Variants in MMP26 observed in about 807,000 individuals in gnomAD.
MMP26 encodes the protein matrix metalloproteinase-26.
Under a neutral mutation model 31.0 loss-of-function variants are expected in MMP26, and 33 were observed. The ratio of observed to expected loss-of-function variants is 1.06; its 90% CI spans 0.81 to 1.42. The LOEUF (loss-of-function observed/expected upper bound fraction) is 1.42, where lower values mean the gene tolerates loss of function less well. Among genes scored for constraint, MMP26 ranks in the 40% most tolerant of loss-of-function variants. The pLI is 0.00. For missense variants in MMP26, 347 were observed against 316.1 expected (o/e 1.10, Z -0.74); for synonymous variants, 122 against 114.9 (o/e 1.06, Z -0.40).
intron 2 of MMP26, among the ~76,000 whole-genome samples, chr11:4,980,238 C>A (rs1458251129): frequency 6.6e-6 from 1 of 151,938 alleles, no homozygotes; most frequent in Non-Finnish European, 1.5e-5. Context: ...CCTCTTCCGG[C>A]CATTTGGTTT....
intron 1 of MMP26, among the ~76,000 whole-genome samples, chr11:4,705,881 G>C (rs1282266172): frequency 6.6e-6 from 1 of 151,540 alleles, no homozygotes; most frequent in Non-Finnish European, 1.5e-5. Flanking sequence ...CTAGCTACTC[G>C]GGAGGCTGAG....
chr11:4,787,690 A>C (rs1848967711), intron 2 of MMP26: 1 of 152,214 alleles, frequency 6.6e-6, no homozygotes, highest in Admixed American at 6.5e-5. Flanking sequence ...TTCAAACAAA[A>C]TCAAAAGAAA....
chr11:4,883,363 G>A (rs1420743309), intron 2 of MMP26, among the ~76,000 whole-genome samples: 1 of 152,068 alleles, frequency 6.6e-6, no homozygotes, highest in East Asian at 1.9e-4. Flanking sequence ...AAAAACTTTA[G>A]GAAAATCTTG....
At chr11:4,723,406 A>T in intron 1 of MMP26, 2 of 969,482 alleles carry the variant, frequency 2.1e-6, no homozygotes, top group Non-Finnish European at 3.3e-6. Context: ...GACCTCAGCG[A>T]TAGTGTTGTC....
intron 2 of MMP26, chr11:4,908,551 G>A (rs1850943213): frequency 1.9e-6 from 1 of 524,052 alleles, no homozygotes. Flanking sequence ...ATACTTCTGT[G>A]ATGGAGCAGC....
At chr11:4,714,044 T>C (rs1463024878) in intron 1 of MMP26, among the ~76,000 whole-genome samples, 1 of 152,198 alleles carries the variant, frequency 6.6e-6, no homozygotes, top group African/African-American at 2.4e-5. Context: ...TTCAGATATA[T>C]GCTACTTATT....
intron 2 of MMP26, among the ~76,000 whole-genome samples, chr11:4,768,465 A>C (rs1231715697): frequency 6.6e-6 from 1 of 152,248 alleles, no homozygotes; most frequent in African/African-American, 2.4e-5. Flanking sequence ...TTGATCTTAA[A>C]ACATTTCTGC....
At chr11:4,752,710 G>C (rs1009691082) in intron 1 of MMP26, 1 of 152,264 alleles carries the variant, frequency 6.6e-6, no homozygotes, top group African/African-American at 2.4e-5. Context: ...CTGATCTCCC[G>C]AGCATTGAGC....
At chr11:4,807,137 C>T (rs148039454) in intron 2 of MMP26, among the ~76,000 whole-genome samples, 224 of 152,202 alleles carry the variant, frequency 1.5e-3, no homozygotes, top group African/African-American at 2.0e-3. Context: ...AATAAACTTA[C>T]GTGTGCATGT....
intron 1 of MMP26, among the ~76,000 whole-genome samples, chr11:4,714,442 C>T (rs146239227): frequency 8.1e-4 from 124 of 152,276 alleles, no homozygotes; most frequent in East Asian, 3.1e-3. Flanking sequence ...CCACTACCAC[C>T]GTCACACACA....
intron 2 of MMP26, chr11:4,946,390 C>G: frequency 6.2e-7 from 1 of 1,613,512 alleles, no homozygotes; most frequent in Non-Finnish European, 8.5e-7. Context: ...TATTGAGAGC[C>G]TTAAGCTGCT....
At chr11:4,961,727 A>T (rs528628325) in intron 2 of MMP26, among the ~76,000 whole-genome samples, 1 of 152,232 alleles carries the variant, frequency 6.6e-6, no homozygotes, top group South Asian at 2.1e-4. Context: ...TTTTTGGGAG[A>T]TTGCAATTTT....
At chr11:4,851,798 T>C (rs1849979273) in intron 2 of MMP26, among the ~76,000 whole-genome samples, 1 of 151,950 alleles carries the variant, frequency 6.6e-6, no homozygotes, top group African/African-American at 2.4e-5. Context: ...GAACAATCAC[T>C]AATAAAATGG....
chr11:4,757,155 GA>G (rs1460705521), intron 1 of MMP26, among the ~76,000 whole-genome samples: 1 of 152,036 alleles, frequency 6.6e-6, no homozygotes, highest in Non-Finnish European at 1.5e-5. Context: ...ACAAATTGGA[GA>G]GTCCAGATTT....
chr11:4,746,886 A>C (rs2133297396), intron 1 of MMP26, among the ~76,000 whole-genome samples: 1 of 151,504 alleles, frequency 6.6e-6, no homozygotes, highest in East Asian at 1.9e-4. Context: ...CAAAGGCTAT[A>C]CATTGGAATA....
chr11:4,854,772 G>A (rs1290689006), intron 2 of MMP26, among the ~76,000 whole-genome samples: 1 of 152,222 alleles, frequency 6.6e-6, no homozygotes, highest in Non-Finnish European at 1.5e-5. Context: ...TCCTCAAGTG[G>A]GTCCCTGACC....
chr11:4,885,583 G>A (rs954987482), intron 2 of MMP26, among the ~76,000 whole-genome samples: 8 of 151,996 alleles, frequency 5.3e-5, no homozygotes, highest in African/African-American at 1.9e-4. Flanking sequence ...ATACCCTCTA[G>A]GTTTGTGTAA....
chr11:4,990,982 C>T (rs1012572256), intron 5 of MMP26, among the ~76,000 whole-genome samples: 6 of 152,122 alleles, frequency 3.9e-5, no homozygotes, highest in Non-Finnish European at 8.8e-5. Flanking sequence ...TGCACATTTT[C>T]CTTCCAAAAA....
chr11:4,705,158 C>G (rs1847758065), intron 1 of MMP26, 113 bp downstream of exon 1: 1 of 152,088 alleles, frequency 6.6e-6, no homozygotes. Flanking sequence ...AGCATGAACT[C>G]AGTAGTGTAT....
Sources: gnomAD v4.1 joint callset for allele counts (sites outside exome capture counted in the v4.1 genomes callset) on GRCh38, gnomAD v4.1.1 for gene constraint, MANE v1.5 for transcripts, NCBI Gene and HGNC (gene_info 2026-07-23, HGNC 2026-07-21) for gene names.